The following QSER1 variants were observed in gnomAD, a reference collection of about 807,000 sequenced individuals.
QSER1 encodes the protein glutamine and serine rich 1.
QSER1 carries 49 observed loss-of-function variants against 158.5 expected under a neutral mutation model. The ratio of observed to expected loss-of-function variants is 0.31; its 90% CI spans 0.25 to 0.39. The LOEUF (loss-of-function observed/expected upper bound fraction) is 0.39. Among genes scored for constraint, QSER1 ranks in the 10% least tolerant of loss-of-function variants. The pLI is 1.00. For synonymous variants in QSER1, 650 were observed against 715.5 expected, an observed-to-expected ratio of 0.91 and a Z score of 1.46; for missense variants, 1,754 against 2,010.3, an observed-to-expected ratio of 0.87 and a Z score of 2.44.
chr11:32,975,766 C>A, intron 12 of QSER1: 1 of 540,788 alleles, frequency 1.8e-6, no homozygotes, highest in Non-Finnish European at 2.5e-6. Flanking sequence ...TGTGCCTTGG[C>A]ATGAAAAACT....
intron 9 of QSER1, among the ~76,000 whole-genome samples, chr11:32,967,295 G>A (rs1403315595): frequency 6.6e-6 from 1 of 152,064 alleles, no homozygotes; most frequent in Non-Finnish European, 1.5e-5. Context: ...CAAAGGCAGC[G>A]TGGTATAATG....
intron 1 of QSER1, among the ~76,000 whole-genome samples, chr11:32,920,414 A>C (rs1343430290): frequency 6.6e-6 from 1 of 152,202 alleles, no homozygotes; most frequent in African/African-American, 2.4e-5. Flanking sequence ...AGCTAAAACT[A>C]AAAAACTCTT....
chr11:32,949,174 C>T (rs1852384001), intron 4 of QSER1, among the ~76,000 whole-genome samples: 1 of 152,024 alleles, frequency 6.6e-6, no homozygotes, highest in Non-Finnish European at 1.5e-5. Flanking sequence ...ATAGCTTCTC[C>T]TTGGGATTAT....
intron 1 of QSER1, among the ~76,000 whole-genome samples, chr11:32,903,481 C>T (rs1055565543): frequency 3.3e-5 from 5 of 151,244 alleles, no homozygotes. Context: ...GATTTACAAA[C>T]AAAGTGGACT....
chr11:32,898,569 A>AT (rs1283489504), intron 1 of QSER1, among the ~76,000 whole-genome samples: 7 of 151,114 alleles, frequency 4.6e-5, no homozygotes, highest in Non-Finnish European at 7.4e-5. Flanking sequence ...TTACTGACCA[A>AT]TTTTTTTTAA....
At chr11:32,946,346 C>T (rs1225359399) in intron 4 of QSER1, among the ~76,000 whole-genome samples, 1 of 152,142 alleles carries the variant, frequency 6.6e-6, no homozygotes. Flanking sequence ...TTCTGTTCTG[C>T]TTTTTCCCCA....
rs1851914067 is a variant in QSER1 at position 32,922,657 on chromosome 11, G to T, written c.210-4500G>T. Reference sequence around the variant, plus strand: ...GTGCCACCATGCCTGGCTAATTTTTGTATTTTTAGTAGAGATGGGGTTTTG... The same window carrying T: ...GTGCCACCATGCCTGGCTAATTTTTTTATTTTTAGTAGAGATGGGGTTTTG... On this transcript the variant is annotated intron_variant, in intron 1 of 12. Coordinates refer to ENST00000650167, the MANE Select transcript of QSER1 (RefSeq NM_001076786.3). 2.0e-5 allele frequency among the ~76,000 whole-genome samples: 3 copies of T among 151,560 alleles called. No individual in the cohort carries two copies. The South Asian group carries it at 6.3e-4, about 32-fold the overall frequency.
Position 32,976,524 on chromosome 11 carries a change from A to T in QSER1, c.*50A>T. 6.3e-7 allele frequency: 1 copy of T among 1,590,540 alleles called. No homozygotes were observed. The highest frequency in any genetic ancestry group is 1.7e-4 in the Middle Eastern group (1 of 5,978). On this transcript the variant is annotated 3_prime_UTR_variant, in exon 13 of 13. Transcript: ENST00000650167. ...TTATAGCACTAATGAAATGGCAGATATGGGGTGGTCAAAGATAATCAGATG... is the reference window on the plus strand; with the variant it reads ...TTATAGCACTAATGAAATGGCAGATTTGGGGTGGTCAAAGATAATCAGATG...
chr11:32,932,899 T>C lies in QSER1; in HGVS notation c.1641T>C (p.Ser547=). ...ENYPAQTRDL[S]SVSQSQSYSS... is the part of the protein sequence containing the mutation. Reference sequence around the variant, plus strand: ...ACCCTGCTCAAACAAGAGATCTGTCTTCAGTAAGTCAGTCTCAAAGTTACT... The same window carrying C: ...ACCCTGCTCAAACAAGAGATCTGTCCTCAGTAAGTCAGTCTCAAAGTTACT... The change falls in exon 4 of 13, where the codon TCT becomes TCC. Residue 547 remains serine, a synonymous_variant. Transcript: ENST00000650167. The C allele has an allele frequency of 6.2e-7, 1 of 1,614,060 alleles. No individual in the cohort carries two copies. The highest frequency in any genetic ancestry group is 8.5e-7 in the Non-Finnish European group (1 of 1,179,988).
At chr11:32,953,769 CTT>C in intron 4 of QSER1, 86 bp from the exon 5 acceptor site, 1 of 1,439,996 alleles carries the variant, frequency 6.9e-7, no homozygotes. Flanking sequence ...ATAATCAAGT[CTT>C]TCTTTTTAAA....
At chr11:32,906,908 C>T (rs971919132) in intron 1 of QSER1, among the ~76,000 whole-genome samples, 2 of 152,086 alleles carry the variant, frequency 1.3e-5, no homozygotes, top group African/African-American at 4.8e-5. Flanking sequence ...CTCTTTCAAC[C>T]ATAGTATGAA....
intron 4 of QSER1, among the ~76,000 whole-genome samples, chr11:32,951,609 A>G (rs1852423647): frequency 6.6e-6 from 1 of 152,146 alleles, no homozygotes; most frequent in Non-Finnish European, 1.5e-5. Flanking sequence ...TTCTTTGAAC[A>G]GTGTTTTTAT....
At chr11:32,960,522 G>A (rs1158471739) in intron 8 of QSER1, among the ~76,000 whole-genome samples, 2 of 152,072 alleles carry the variant, frequency 1.3e-5, no homozygotes, top group Admixed American at 1.3e-4. Context: ...TTGCGCTATT[G>A]CACTCCAGCC....
At chr11:32,966,241 A>C in intron 8 of QSER1, 59 bp from the exon 9 acceptor site, 1 of 1,563,830 alleles carries the variant, frequency 6.4e-7, no homozygotes. Context: ...TTATAGAGAA[A>C]AGTGTTTTTA....
chr11:32,976,033 A>G (rs1201071745), intron 12 of QSER1, among the ~76,000 whole-genome samples: 1 of 151,746 alleles, frequency 6.6e-6, no homozygotes, highest in African/African-American at 2.4e-5. Context: ...GAAAGCAAAG[A>G]TGGTGATGCA....
intron 1 of QSER1, among the ~76,000 whole-genome samples, chr11:32,918,781 A>G (rs1022378137): frequency 7.2e-5 from 11 of 152,096 alleles, no homozygotes; most frequent in Admixed American, 5.9e-4. Context: ...TATAAGGAAC[A>G]CCCTCTTCCC....
At chr11:32,901,840 T>C (rs2133491999) in intron 1 of QSER1, among the ~76,000 whole-genome samples, 1 of 152,244 alleles carries the variant, frequency 6.6e-6, no homozygotes, top group Non-Finnish European at 1.5e-5. Flanking sequence ...TCCCAGCACT[T>C]TGGGATGCTG....
intron 4 of QSER1, among the ~76,000 whole-genome samples, chr11:32,940,734 A>G (rs1249308106): frequency 2.0e-5 from 3 of 152,144 alleles, no homozygotes; most frequent in African/African-American, 7.2e-5. Context: ...TGTCCATAGT[A>G]ATCCTTAAGT....
At chr11:32,913,474 C>T (rs1417995482) in intron 1 of QSER1, among the ~76,000 whole-genome samples, 1 of 151,690 alleles carries the variant, frequency 6.6e-6, no homozygotes, top group Non-Finnish European at 1.5e-5. Context: ...ATTACAGGTG[C>T]GAGCTACCGC....
Sources: gnomAD v4.1 joint callset for allele counts (sites outside exome capture counted in the v4.1 genomes callset) on GRCh38, gnomAD v4.1.1 for gene constraint, MANE v1.5 for transcripts, NCBI Gene and HGNC (gene_info 2026-07-23, HGNC 2026-07-21) for gene names.